The following ZMYM1 variants were observed in gnomAD, a reference collection of about 807,000 sequenced individuals.
ZMYM1 encodes zinc finger MYM-type protein 1.
ZMYM1 carries 39 observed loss-of-function variants against 60.0 expected under a neutral mutation model. The observed-to-expected ratio is 0.65, with a 90% CI of 0.50 to 0.85. The LOEUF (loss-of-function observed/expected upper bound fraction) is 0.85, where lower values mean the gene tolerates loss of function less well. Ranked by LOEUF, ZMYM1 falls within the 40% of genes least tolerant of loss-of-function variation. The pLI is 0.00. For synonymous variants in ZMYM1, 413 were observed against 454.0 expected, an observed-to-expected ratio of 0.91 and a Z score of 1.15; for missense variants, 1,171 against 1,309.5, an observed-to-expected ratio of 0.89 and a Z score of 1.63.
chr1:35,094,339 C>G (rs935032993), intron 2 of ZMYM1, among the ~76,000 whole-genome samples: 1 of 152,122 alleles, frequency 6.6e-6, no homozygotes, highest in Non-Finnish European at 1.5e-5. Context: ...GTGGGCCTAG[C>G]TAAGGTTAAC....
At chr1:35,069,561 T>C (rs1642033199) in intron 1 of ZMYM1, among the ~76,000 whole-genome samples, 1 of 152,222 alleles carries the variant, frequency 6.6e-6, no homozygotes, top group Non-Finnish European at 1.5e-5. Flanking sequence ...TATTGTTTCC[T>C]TTGCTGCACA....
chr1:35,080,314 C>CTT (rs35214559), intron 1 of ZMYM1, among the ~76,000 whole-genome samples: 73 of 125,506 alleles, frequency 5.8e-4, no homozygotes, highest in East Asian at 2.1e-3. Context: ...ATTTGTGCTT[C>CTT]TTTTTTTTTT....
chr1:35,087,041 G>GGAGT (rs1233012982), intron 1 of ZMYM1, among the ~76,000 whole-genome samples: 1 of 130,414 alleles, frequency 7.7e-6, no homozygotes, highest in Non-Finnish European at 1.5e-5. Flanking sequence ...TACCCAGGCT[G>GGAGT]GAGTGCAGTG....
chr1:35,063,643 C>T (rs919277306), intron 1 of ZMYM1, among the ~76,000 whole-genome samples: 1 of 151,978 alleles, frequency 6.6e-6, no homozygotes, highest in Non-Finnish European at 1.5e-5. Context: ...GACATAAGGC[C>T]GCAGCTAACA....
At chr1:35,068,984 G>A (rs1043171638) in intron 1 of ZMYM1, among the ~76,000 whole-genome samples, 7 of 151,952 alleles carry the variant, frequency 4.6e-5, no homozygotes, top group African/African-American at 7.2e-5. Flanking sequence ...CTACAGGTGC[G>A]CCTGGCTAAT....
At chr1:35,088,452 ATATGTGTGTGTGTG>A (rs1351620781) in intron 1 of ZMYM1, among the ~76,000 whole-genome samples, 19 of 101,650 alleles carry the variant, frequency 1.9e-4, no homozygotes, top group African/African-American at 8.8e-4. Flanking sequence ...ATATATATAT[ATATGTGTGTGTGTG>A]TGTGTGTGTG....
In ZMYM1 at chr1:35,112,116, G is replaced by A; in HGVS notation, c.1132G>A (p.Asp378Asn). Reference sequence around the variant, plus strand: ...AGTTTCTTCAGTAACAGCAACAGCAGATGTCATTGTGGATGTAAGTTTTAA... The same window carrying A: ...AGTTTCTTCAGTAACAGCAACAGCAAATGTCATTGTGGATGTAAGTTTTAA... ...DTVSSVTATA[D>N]VIVDLSKSSP... is the part of the protein sequence containing the mutation. The change falls in exon 9 of 10, where the codon GAT (aspartate) becomes AAT (asparagine). Residue 378 changes from aspartate (D) to asparagine (N), a missense_variant. Physicochemically the swap from Asp to Asn is conservative, Grantham distance 23. Transcript: ENST00000359858. 6.2e-7 allele frequency: 1 copy of A among 1,613,482 alleles called. No homozygotes were observed. The highest frequency in any genetic ancestry group is 1.1e-5 in the South Asian group (1 of 90,988).
At chr1:35,100,077 G>A (rs1479786205) in intron 4 of ZMYM1, among the ~76,000 whole-genome samples, 1 of 152,040 alleles carries the variant, frequency 6.6e-6, no homozygotes, top group East Asian at 1.9e-4. Flanking sequence ...TTTCAGTAGA[G>A]ATGCAGTTTC....
chr1:35,087,550 C>T (rs1642725495), intron 1 of ZMYM1, among the ~76,000 whole-genome samples: 2 of 152,020 alleles, frequency 1.3e-5, no homozygotes, highest in African/African-American at 4.8e-5. Flanking sequence ...CCTCAGCCTC[C>T]CAAATAACTG....
intron 9 of ZMYM1, among the ~76,000 whole-genome samples, chr1:35,112,662 A>T (rs1386883265): frequency 6.7e-6 from 1 of 148,274 alleles, no homozygotes; most frequent in African/African-American, 2.5e-5. Context: ...GTGTGTGTGT[A>T]TGTTTGTAGA....
At chr1:35,088,507 C>CGTGT (rs1642809263) in intron 1 of ZMYM1, among the ~76,000 whole-genome samples, 5 of 130,352 alleles carry the variant, frequency 3.8e-5, no homozygotes, top group African/African-American at 1.1e-4. Context: ...TGTGTATGTA[C>CGTGT]ATATATGTAT....
At chr1:35,083,245 G>T (rs370849418) in intron 1 of ZMYM1, among the ~76,000 whole-genome samples, 114 of 151,280 alleles carry the variant, frequency 7.5e-4, no homozygotes, top group South Asian at 1.9e-3. Context: ...TCACCCTCCC[G>T]GCTTAAGCAG....
intron 1 of ZMYM1, among the ~76,000 whole-genome samples, chr1:35,090,828 C>T (rs1023218561): frequency 1.3e-5 from 2 of 152,006 alleles, no homozygotes; most frequent in African/African-American, 4.8e-5. Context: ...TGCCTGTAAT[C>T]CCAGCTACTC....
chr1:35,106,198 G>T (rs1470633502), intron 6 of ZMYM1, among the ~76,000 whole-genome samples: 1 of 152,168 alleles, frequency 6.6e-6, no homozygotes, highest in East Asian at 1.9e-4. Context: ...CAAGCTCTGG[G>T]TGGGTGCTTC....
At chr1:35,095,797 A>AT in intron 2 of ZMYM1, 22 bp from the exon 3 acceptor site, 8 of 1,521,858 alleles carry the variant, frequency 5.3e-6, no homozygotes, top group South Asian at 1.2e-5. Context: ...ATTTTTAATT[A>AT]TTATTTTTTT....
intron 4 of ZMYM1, among the ~76,000 whole-genome samples, chr1:35,097,910 A>G (rs763489149): frequency 6.6e-6 from 1 of 152,152 alleles, no homozygotes; most frequent in Non-Finnish European, 1.5e-5. Flanking sequence ...TGGCCTCCCA[A>G]AGTGCTGGGA....
chr1:35,087,747 T>C (rs1447353510), intron 1 of ZMYM1, among the ~76,000 whole-genome samples: 1 of 152,076 alleles, frequency 6.6e-6, no homozygotes, highest in African/African-American at 2.4e-5. Context: ...GCAGTTTCTT[T>C]GTGATCTCGT....
chr1:35,112,040 A>G, intron 8 of ZMYM1, 47 bp from the exon 9 acceptor site: 1 of 1,584,118 alleles, frequency 6.3e-7, no homozygotes, highest in Non-Finnish European at 8.6e-7. Context: ...ATGCTATTTT[A>G]TAGGTTATAG....
At chr1:35,116,976 T>C (rs971950753), downstream of ZMYM1, among the ~76,000 whole-genome samples, 8 of 149,572 alleles carry the variant, frequency 5.3e-5, no homozygotes, top group Non-Finnish European at 1.0e-4. Context: ...CCCGAGTAGC[T>C]GGGACTACAG....
Sources: gnomAD v4.1 joint callset for allele counts (sites outside exome capture counted in the v4.1 genomes callset) on GRCh38, gnomAD v4.1.1 for gene constraint, MANE v1.5 for transcripts, NCBI Gene and HGNC (gene_info 2026-07-23, HGNC 2026-07-21) for gene names.